Variants in ARB2A observed in about 807,000 individuals in gnomAD.
ARB2A encodes the protein ARB2 cotranscriptional regulator A.
chr5:93,961,842 A>G, the ARB2A span, among the ~76,000 whole-genome samples: 1 of 152,204 alleles, frequency 6.6e-6, no homozygotes, highest in African/African-American at 2.4e-5. Context: ...CAGAATATTA[A>G]AGAAAAACAA....
At chr5:93,685,501 T>C in the ARB2A span, among the ~76,000 whole-genome samples, 2 of 152,318 alleles carry the variant, frequency 1.3e-5, no homozygotes, top group East Asian at 3.9e-4. Flanking sequence ...TTATAAAATA[T>C]TCACAAGCCC....
At chr5:93,923,867 A>C in the ARB2A span, among the ~76,000 whole-genome samples, 1 of 152,314 alleles carries the variant, frequency 6.6e-6, no homozygotes, top group Admixed American at 6.5e-5. Flanking sequence ...CACACCCTTT[A>C]AGTGAAACAT....
chr5:93,786,229 T>C, the ARB2A span, among the ~76,000 whole-genome samples: 1 of 152,134 alleles, frequency 6.6e-6, no homozygotes, highest in Non-Finnish European at 1.5e-5. Context: ...ATTTGTGAAA[T>C]GAGATACAAT....
chr5:93,958,551 A>T, the ARB2A span, among the ~76,000 whole-genome samples: 1 of 152,098 alleles, frequency 6.6e-6, no homozygotes, highest in Non-Finnish European at 1.5e-5. Context: ...TAGAAAAATA[A>T]TTCACTCAAA....
At chr5:93,811,772 G>C in the ARB2A span, among the ~76,000 whole-genome samples, 1 of 152,106 alleles carries the variant, frequency 6.6e-6, no homozygotes. Context: ...GATAGTGCCC[G>C]GTGCATTATC....
the ARB2A span, among the ~76,000 whole-genome samples, chr5:93,987,900 G>C: frequency 6.6e-6 from 1 of 152,086 alleles, no homozygotes; most frequent in Non-Finnish European, 1.5e-5. Context: ...AACATTTATT[G>C]AAGAGCCTCA....
the ARB2A span, among the ~76,000 whole-genome samples, chr5:93,704,447 C>G: frequency 6.6e-6 from 1 of 152,270 alleles, no homozygotes; most frequent in East Asian, 1.9e-4. Context: ...ACCTGTAGTT[C>G]CAGCTACTTG....
the ARB2A span, among the ~76,000 whole-genome samples, chr5:93,974,474 A>T: frequency 6.6e-6 from 1 of 152,182 alleles, no homozygotes; most frequent in East Asian, 1.9e-4. Context: ...CTAAGAAAAG[A>T]CTTATATAGC....
the ARB2A span, among the ~76,000 whole-genome samples, chr5:93,966,612 G>T: frequency 6.6e-6 from 1 of 152,022 alleles, no homozygotes; most frequent in Non-Finnish European, 1.5e-5. Context: ...AATCCTTACT[G>T]TAGGAAAAAA....
the ARB2A span, among the ~76,000 whole-genome samples, chr5:93,872,074 G>T: frequency 7.3e-5 from 11 of 151,436 alleles, no homozygotes; most frequent in African/African-American, 2.7e-4. Flanking sequence ...TCAGCCTCCA[G>T]AGTAGCCGGG....
the ARB2A span, chr5:93,784,222 T>G: frequency 1.7e-6 from 1 of 582,312 alleles, no homozygotes; most frequent in Non-Finnish European, 3.1e-6. Context: ...CACATGGGTT[T>G]TCTATTATTA....
the ARB2A span, among the ~76,000 whole-genome samples, chr5:93,732,907 A>G: frequency 6.6e-6 from 1 of 152,046 alleles, no homozygotes; most frequent in African/African-American, 2.4e-5. Flanking sequence ...TAATAATTCC[A>G]ATACCTGTAC....
the ARB2A span, among the ~76,000 whole-genome samples, chr5:94,075,182 T>G: frequency 1.3e-5 from 2 of 152,042 alleles, no homozygotes; most frequent in Non-Finnish European, 2.9e-5. Context: ...CATGGGCCAT[T>G]TACAAGGTCA....
the ARB2A span, among the ~76,000 whole-genome samples, chr5:93,712,138 CAG>C: frequency 5.9e-5 from 9 of 152,182 alleles, no homozygotes; most frequent in African/African-American, 2.2e-4. Context: ...GATCCATCCA[CAG>C]AGTCTTACTA....
chr5:94,111,342 G>A, the ARB2A span, among the ~76,000 whole-genome samples: 1 of 152,160 alleles, frequency 6.6e-6, no homozygotes, highest in African/African-American at 2.4e-5. Flanking sequence ...CCCATCAGCG[G>A]AGGCCCAGAC....
chr5:94,075,945 T>G, the ARB2A span, among the ~76,000 whole-genome samples: 5 of 152,148 alleles, frequency 3.3e-5, no homozygotes, highest in Non-Finnish European at 7.4e-5. Flanking sequence ...TTAACTTCTC[T>G]GGGCCTCATT....
At chr5:93,858,526 C>T in the ARB2A span, among the ~76,000 whole-genome samples, 1 of 152,206 alleles carries the variant, frequency 6.6e-6, no homozygotes, top group African/African-American at 2.4e-5. Flanking sequence ...TGGGAGACCA[C>T]TTATATTCCT....
chr5:94,034,216 C>A, the ARB2A span, among the ~76,000 whole-genome samples: 2 of 152,184 alleles, frequency 1.3e-5, no homozygotes, highest in African/African-American at 4.8e-5. Context: ...AGGATAATAT[C>A]CGTATCTTAA....
At chr5:93,930,116 A>T in the ARB2A span, among the ~76,000 whole-genome samples, 3 of 152,192 alleles carry the variant, frequency 2.0e-5, no homozygotes, top group African/African-American at 7.2e-5. Context: ...AGTTACTCAT[A>T]AAGTGTATGT....
Sources: allele counts gnomAD v4.1 joint callset (sites outside exome capture counted in the v4.1 genomes callset), GRCh38; gene constraint gnomAD v4.1.1; transcripts MANE v1.5; gene names NCBI Gene and HGNC (gene_info 2026-07-23, HGNC 2026-07-21).